The following NR6A1 variants were observed in gnomAD, a reference collection of about 807,000 sequenced individuals.
NR6A1 encodes retinoic acid receptor-related testis-associated receptor.
A neutral mutation model predicts 59.1 loss-of-function variants in NR6A1; 7 were observed. The observed-to-expected ratio is 0.12, with a 90% CI of 0.07 to 0.22. NR6A1 has a LOEUF of 0.22. Among genes scored for constraint, NR6A1 ranks in the 10% least tolerant of loss-of-function variants. The pLI is 1.00. For synonymous variants in NR6A1, 243 were observed against 236.1 expected, an observed-to-expected ratio of 1.03 and a Z score of -0.27; for missense variants, 468 against 611.6, an observed-to-expected ratio of 0.77 and a Z score of 2.48.
chr9:124,653,120 C>G (rs1837151955), intron 2 of NR6A1, among the ~76,000 whole-genome samples: 1 of 152,150 alleles, frequency 6.6e-6, no homozygotes, highest in Non-Finnish European at 1.5e-5. Flanking sequence ...GAATCAAGCT[C>G]TGGTTCAAGT....
At chr9:124,765,960 G>A (rs190020159) in intron 1 of NR6A1, among the ~76,000 whole-genome samples, 4 of 151,986 alleles carry the variant, frequency 2.6e-5, no homozygotes. Context: ...ACTTACTAAG[G>A]GTGTTACAGT....
At chr9:124,746,967 G>A (rs1208159268) in intron 1 of NR6A1, among the ~76,000 whole-genome samples, 1 of 151,942 alleles carries the variant, frequency 6.6e-6, no homozygotes, top group South Asian at 2.1e-4. Flanking sequence ...TAACAGCAGT[G>A]GTCACACTAT....
chr9:124,551,706 T>C (rs1004025985), intron 3 of NR6A1, among the ~76,000 whole-genome samples: 6 of 152,252 alleles, frequency 3.9e-5, no homozygotes, highest in African/African-American at 1.2e-4. Context: ...GCATTCTTTC[T>C]CTCTGCCCTT....
At chr9:124,679,533 T>C (rs1460374882) in intron 2 of NR6A1, among the ~76,000 whole-genome samples, 2 of 152,156 alleles carry the variant, frequency 1.3e-5, no homozygotes, top group African/African-American at 2.4e-5. Context: ...AATGACACAA[T>C]TGCTTGCAGT....
chr9:124,698,773 G>C lies in NR6A1; in HGVS notation c.142+34535C>G, dbSNP rs539052394. 7 of 152,190 alleles carry C rather than the reference G, an allele frequency of 4.6e-5. No homozygotes were observed. In the South Asian group the frequency reaches 1.5e-3, roughly 32 times the overall value. The allele number at this position is 152,190 out of a possible 1,614,324, so 9.4% of individuals were successfully genotyped here. A position where few individuals can be genotyped will look rare whatever the true frequency, so the allele number is the denominator to read the frequency against. On this transcript the variant is annotated intron_variant, in intron 2 of 9. Coordinates refer to ENST00000487099, the MANE Select transcript of NR6A1 (RefSeq NM_033334.4). ...ATCTGTCCCACACATTGCAGTTTCAGCCTATATATAATTTTAATAGCTACC... is the reference window on the plus strand; with the variant it reads ...ATCTGTCCCACACATTGCAGTTTCACCCTATATATAATTTTAATAGCTACC...
At chr9:124,635,897 A>G (rs1836597332) in intron 2 of NR6A1, among the ~76,000 whole-genome samples, 1 of 152,240 alleles carries the variant, frequency 6.6e-6, no homozygotes, top group South Asian at 2.1e-4. Flanking sequence ...AAACTGCTAG[A>G]TCATATGGTA....
chr9:124,519,668 AG>A lies in NR6A1; in HGVS notation c.*3036del, dbSNP rs1832756606. 6.6e-6 allele frequency: 1 copy of A among 152,134 alleles called. No homozygotes were observed. Among genetic ancestry groups the A allele is most frequent in the Non-Finnish European group, 1.5e-5 (1 of 68,036 alleles). 9.4% of individuals were successfully genotyped at this position (152,134 alleles called of 1,614,324 possible). On this transcript the variant is annotated 3_prime_UTR_variant, in exon 10 of 10. Coordinates refer to ENST00000487099, the MANE Select transcript of NR6A1 (RefSeq NM_033334.4). ...GTAATCCCAGCACTTTGGGAGGCCG[AG>A]GCAGGCGGATCACGAGGTCAGGAGA...
intron 2 of NR6A1, among the ~76,000 whole-genome samples, chr9:124,626,661 C>T (rs1378151203): frequency 1.3e-5 from 2 of 152,050 alleles, no homozygotes; most frequent in Non-Finnish European, 2.9e-5. Context: ...TCAGGCGGGG[C>T]GTGGTGGCTC....
intron 2 of NR6A1, among the ~76,000 whole-genome samples, chr9:124,705,811 TG>T (rs1237080398): frequency 1.3e-5 from 2 of 151,636 alleles, no homozygotes; most frequent in Admixed American, 1.3e-4. Context: ...AGTCTCACTC[TG>T]TTGCCCAGGC....
At chr9:124,533,796 G>A (rs1331733347) in intron 7 of NR6A1, among the ~76,000 whole-genome samples, 1 of 151,256 alleles carries the variant, frequency 6.6e-6, no homozygotes, top group Non-Finnish European at 1.5e-5. Flanking sequence ...GACTACAGGC[G>A]CCCGCCACCA....
chr9:124,595,463 G>A (rs370426776), intron 2 of NR6A1, among the ~76,000 whole-genome samples: 1 of 152,090 alleles, frequency 6.6e-6, no homozygotes, highest in South Asian at 2.1e-4. Context: ...GTACTGACAC[G>A]TATATTTAAT....
chr9:124,671,661 A>G (rs1049001786), intron 2 of NR6A1, among the ~76,000 whole-genome samples: 6 of 152,214 alleles, frequency 3.9e-5, no homozygotes, highest in Non-Finnish European at 8.8e-5. Context: ...ACAGGAAAAT[A>G]TAAATATAAA....
chr9:124,649,864 A>T (rs748116003), intron 2 of NR6A1, among the ~76,000 whole-genome samples: 1 of 152,200 alleles, frequency 6.6e-6, no homozygotes, highest in Non-Finnish European at 1.5e-5. Context: ...CAACATCATT[A>T]ATCATTGAAG....
At chr9:124,654,861 A>AT (rs535193335) in intron 2 of NR6A1, among the ~76,000 whole-genome samples, 237 of 111,376 alleles carry the variant, frequency 2.1e-3, no homozygotes, top group East Asian at 4.8e-3. Context: ...TTATACATAC[A>AT]TTTTTTTTTT....
At chr9:124,561,712 G>A (rs1317177007) in intron 2 of NR6A1, among the ~76,000 whole-genome samples, 1 of 152,124 alleles carries the variant, frequency 6.6e-6, no homozygotes, top group Non-Finnish European at 1.5e-5. Context: ...AGGATTTCCA[G>A]ACCAGCTTGG....
At chr9:124,551,955 C>T (rs983631452) in intron 3 of NR6A1, among the ~76,000 whole-genome samples, 1 of 152,226 alleles carries the variant, frequency 6.6e-6, no homozygotes, top group African/African-American at 2.4e-5. Flanking sequence ...CAGACTTCAC[C>T]AGGCAACTGG....
chr9:124,567,175 C>T (rs1425622389), intron 2 of NR6A1, among the ~76,000 whole-genome samples: 2 of 151,628 alleles, frequency 1.3e-5, no homozygotes, highest in East Asian at 3.9e-4. Context: ...ATTCTAAAGG[C>T]AACTACTTAG....
intron 2 of NR6A1, chr9:124,599,626 G>A (rs112977461): frequency 2.6e-6 from 3 of 1,172,656 alleles, no homozygotes; most frequent in Non-Finnish European, 3.2e-6. Context: ...GTCGTCGCCG[G>A]CTCCGCGGCC....
At chr9:124,733,461 G>C in intron 1 of NR6A1, 112 bp from the exon 2 acceptor site, 1 of 810,096 alleles carries the variant, frequency 1.2e-6, no homozygotes, top group Non-Finnish European at 2.1e-6. Flanking sequence ...AAGTCAATTT[G>C]GGTTTCAATC....
Sources: gnomAD v4.1 joint callset for allele counts (sites outside exome capture counted in the v4.1 genomes callset) on GRCh38, gnomAD v4.1.1 for gene constraint, MANE v1.5 for transcripts, NCBI Gene and HGNC (gene_info 2026-07-23, HGNC 2026-07-21) for gene names.